Variants in TXNDC16 observed in about 807,000 individuals in gnomAD.
TXNDC16 encodes the protein thioredoxin domain-containing protein 16.
In TXNDC16, 74 loss-of-function variants were observed where a neutral mutation model predicts 85.6. The ratio of observed to expected loss-of-function variants is 0.86; its 90% confidence interval spans 0.72 to 1.05. The LOEUF (loss-of-function observed/expected upper bound fraction) is 1.05, where lower values mean the gene tolerates loss of function less well. TXNDC16 is among the 50% of genes least tolerant of loss of function. The probability of loss-of-function intolerance (pLI) is 0.00; values close to 1 mark genes in which losing one functional copy is unlikely to be tolerated. For synonymous variants in TXNDC16, 335 were observed against 326.5 expected (o/e 1.03, Z -0.28); for missense variants, 959 against 947.0 (o/e 1.01, Z -0.17).
At chr14:52,522,023 C>T (rs769824183) in intron 6 of TXNDC16, among the ~76,000 whole-genome samples, 2 of 152,198 alleles carry the variant, frequency 1.3e-5, no homozygotes, top group African/African-American at 2.4e-5. Context: ...GTCTCAGTGG[C>T]AAGCTGAGCT....
At chr14:52,484,188 C>T (rs937590493) in intron 12 of TXNDC16, among the ~76,000 whole-genome samples, 1 of 117,882 alleles carries the variant, frequency 8.5e-6, no homozygotes, top group Non-Finnish European at 1.7e-5. Flanking sequence ...GGATTTGCTA[C>T]AAAACAATAA....
At chr14:52,489,603 A>G (rs964822596) in intron 11 of TXNDC16, among the ~76,000 whole-genome samples, 3 of 152,256 alleles carry the variant, frequency 2.0e-5, no homozygotes, top group Admixed American at 2.0e-4. Context: ...AAATTTTTGT[A>G]GTAAACCTTT....
chr14:52,549,274 A>G (rs74050906), intron 1 of TXNDC16, among the ~76,000 whole-genome samples: 14,636 of 152,244 alleles, frequency 0.096, 814 homozygotes, highest in East Asian at 0.17. Context: ...GTGTTTGCAC[A>G]GCTCATTTAA....
rs111882278 is a variant in TXNDC16 at position 52,483,355 on chromosome 14, G to A, written c.1109-390C>T. Among the ~76,000 whole-genome samples the A allele has an allele frequency of 3.4e-3, 522 of 152,190 alleles. 4 individuals are homozygous for A. The highest frequency in any genetic ancestry group is 0.012 in the African/African-American group (505 of 41,524). ...GGAAAAGTCAGATAAACTGATCACT[G>A]AATAAATATATAATTATAAATTATG... is the stretch of plus-strand genomic sequence containing the variant. On this transcript the variant is annotated intron_variant, in intron 12 of 20. Transcript: ENST00000281741.
At chr14:52,542,577 C>T in intron 3 of TXNDC16, 124 bp from the exon 4 acceptor site, 1 of 580,448 alleles carries the variant, frequency 1.7e-6, no homozygotes, top group East Asian at 2.9e-5. Flanking sequence ...CTAAACATAT[C>T]TCATTACATA....
intron 1 of TXNDC16, among the ~76,000 whole-genome samples, chr14:52,549,112 A>T (rs2037995685): frequency 2.6e-5 from 4 of 152,234 alleles, no homozygotes; most frequent in Non-Finnish European, 5.9e-5. Context: ...CATGTTTGCC[A>T]ATACTACAGA....
At chr14:52,458,607 C>T (rs1200455216) in intron 16 of TXNDC16, among the ~76,000 whole-genome samples, 1 of 151,996 alleles carries the variant, frequency 6.6e-6, no homozygotes, top group Admixed American at 6.6e-5. Context: ...TTTTTTTAGC[C>T]CATGCTACAT....
intron 9 of TXNDC16, among the ~76,000 whole-genome samples, chr14:52,497,112 A>T (rs1333151071): frequency 6.6e-6 from 1 of 152,172 alleles, no homozygotes; most frequent in Admixed American, 6.5e-5. Flanking sequence ...ATTTTTCTAC[A>T]ATTCATGTAT....
At position 52,457,111 on chromosome 14, in the gene TXNDC16, G is replaced by A. The variant is rs2140117027; in HGVS notation, c.1682C>T (p.Ser561Phe). 6.3e-7 allele frequency: 1 copy of A among 1,587,930 alleles called. No individual in the cohort carries two copies. The highest frequency in any genetic ancestry group is 1.4e-5 in the African/African-American group (1 of 73,314). The change falls in exon 17 of 21, where the codon TCT becomes TTT. Residue 561 changes from serine (S) to phenylalanine (F), a missense_variant. Physicochemically the swap from Ser to Phe is radical, Grantham distance 155. Coordinates refer to ENST00000281741, the MANE Select transcript of TXNDC16 (RefSeq NM_020784.3). ...TTACAGTAGCAAAACATCTTCTTCAGAATAAATTCCAGTGATAACATATCC... is the reference window on the plus strand; with the variant it reads ...TTACAGTAGCAAAACATCTTCTTCAAAATAAATTCCAGTGATAACATATCC... ...LKGYVITGIYSEEDVLLLSTK... is the reference protein window; with the variant it reads ...LKGYVITGIYFEEDVLLLSTK...
At chr14:52,479,238 T>C (rs569401107) in intron 14 of TXNDC16, among the ~76,000 whole-genome samples, 3 of 152,176 alleles carry the variant, frequency 2.0e-5, no homozygotes, top group Admixed American at 6.5e-5. Flanking sequence ...AAAGTATTCC[T>C]TCTGAGAACT....
At chr14:52,466,738 G>A (rs1296010262) in intron 16 of TXNDC16, among the ~76,000 whole-genome samples, 1 of 151,748 alleles carries the variant, frequency 6.6e-6, no homozygotes, top group Non-Finnish European at 1.5e-5. Context: ...ATGGTGGCAG[G>A]CTCCTGTAGT....
At chr14:52,523,965 C>T (rs950508796) in intron 6 of TXNDC16, among the ~76,000 whole-genome samples, 2 of 152,134 alleles carry the variant, frequency 1.3e-5, no homozygotes, top group Non-Finnish European at 2.9e-5. Flanking sequence ...CCATTAATAC[C>T]AATTAACAGA....
chr14:52,523,057 A>G (rs2037245510), intron 6 of TXNDC16, among the ~76,000 whole-genome samples: 1 of 152,196 alleles, frequency 6.6e-6, no homozygotes, highest in African/African-American at 2.4e-5. Flanking sequence ...TCACTTTAAT[A>G]TATTCCTTAA....
At chr14:52,475,472 T>G (rs1438802257) in intron 14 of TXNDC16, among the ~76,000 whole-genome samples, 1 of 152,084 alleles carries the variant, frequency 6.6e-6, no homozygotes, top group Non-Finnish European at 1.5e-5. Context: ...CTTGGTGCTG[T>G]TGAGTGGGGG....
At chr14:52,468,544 T>C in intron 16 of TXNDC16, among the ~76,000 whole-genome samples, 1 of 151,970 alleles carries the variant, frequency 6.6e-6, no homozygotes, top group African/African-American at 2.4e-5. Flanking sequence ...TATACAAAGG[T>C]CTCACACCAA....
Position 52,516,969 on chromosome 14 carries a change from CTTGGCCTTCTTT to C in TXNDC16, c.515-2011_515-2000del, listed in dbSNP as rs539119961. On this transcript the variant is annotated intron_variant, in intron 7 of 20. Coordinates refer to ENST00000281741, the MANE Select transcript of TXNDC16 (RefSeq NM_020784.3). ...CTTTCAAAATCCCAGCCTCTCAGGC[CTTGGCCTTCTTT>C]ATTCCAGTCATCCTTCTTCAATCAT... is the stretch of plus-strand genomic sequence containing the variant. Among the ~76,000 whole-genome samples, 26 of 152,198 alleles carry C rather than the reference CTTGGCCTTCTTT, an allele frequency of 1.7e-4. No individual in the cohort carries two copies. The East Asian group carries it at 4.2e-3, about 25-fold the overall frequency.
chr14:52,483,042 T>C lies in TXNDC16; in HGVS notation c.1109-77A>G, dbSNP rs186199982. 7.3e-6 allele frequency: 9 copies of C among 1,230,302 alleles called. No homozygotes were observed. The East Asian group carries it at 1.0e-4, about 14-fold the overall frequency. 76.2% of individuals were successfully genotyped at this position (1,230,302 alleles called of 1,614,324 possible). A position where few individuals can be genotyped will look rare whatever the true frequency, so the allele number is the denominator to read the frequency against. ...ATTTAAGCTCTTCTCATAGGAAGCATATAATAATTCAGTACTTTATACAAA... is the reference window on the plus strand; with the variant it reads ...ATTTAAGCTCTTCTCATAGGAAGCACATAATAATTCAGTACTTTATACAAA... On this transcript the variant is annotated intron_variant, in intron 12 of 20. Coordinates refer to ENST00000281741, the MANE Select transcript of TXNDC16 (RefSeq NM_020784.3).
chr14:52,519,166 G>A lies in TXNDC16; in HGVS notation c.514+6C>T, dbSNP rs1248362392. 3.1e-6 allele frequency: 5 copies of A among 1,605,116 alleles called. No homozygotes were observed. The South Asian group carries it at 5.6e-5, about 18-fold the overall frequency. On this transcript the variant is annotated splice_donor_region_variant and intron_variant, in intron 7 of 20. Transcript: ENST00000281741. ...AGCAAAGATTAAAGCAAAAGTTAAA[G>A]AATACCTGGTATTCCAATGGCTCTT...
At chr14:52,508,300 A>T (rs1400212595) in intron 9 of TXNDC16, among the ~76,000 whole-genome samples, 1 of 152,216 alleles carries the variant, frequency 6.6e-6, no homozygotes, top group Admixed American at 6.5e-5. Context: ...ATGCAGCCAA[A>T]AGACACATGA....
Sources: allele counts gnomAD v4.1 joint callset (sites outside exome capture counted in the v4.1 genomes callset), GRCh38; gene constraint gnomAD v4.1.1; transcripts MANE v1.5; gene names NCBI Gene and HGNC (gene_info 2026-07-23, HGNC 2026-07-21).